NSD1: variants seen among roughly 807,000 people sequenced by gnomAD.
NSD1 encodes histone-lysine N-methyltransferase, H3 lysine-36 specific.
NSD1 carries 26 observed loss-of-function variants against 242.7 expected under a neutral mutation model. The observed-to-expected ratio is 0.11, with a 90% CI of 0.08 to 0.15. The LOEUF is 0.15. Among genes scored for constraint, NSD1 ranks in the 10% least tolerant of loss-of-function variants. The pLI is 1.00. For missense variants in NSD1, 2,495 were observed against 3,272.8 expected (o/e 0.76, Z 5.80); for synonymous variants, 1,106 against 1,178.1 (o/e 0.94, Z 1.25).
intron 2 of NSD1, among the ~76,000 whole-genome samples, chr5:177,179,458 G>A (rs1475238032): frequency 6.6e-6 from 1 of 152,088 alleles, no homozygotes; most frequent in Non-Finnish European, 1.5e-5. Context: ...CTGGTGATCC[G>A]CCCACTTCAG....
chr5:177,166,470 T>C (rs1252088336), intron 2 of NSD1, among the ~76,000 whole-genome samples: 2 of 151,848 alleles, frequency 1.3e-5, no homozygotes, highest in Admixed American at 1.3e-4. Context: ...ATCACTTGAA[T>C]TGGACTGGAG....
intron 3 of NSD1, among the ~76,000 whole-genome samples, chr5:177,196,090 G>C (rs1762084360): frequency 6.6e-6 from 1 of 152,164 alleles, no homozygotes; most frequent in South Asian, 2.1e-4. Context: ...TCTGTTACTT[G>C]AGAGGATGAG....
At chr5:177,152,455 G>A (rs1008281638) in intron 2 of NSD1, among the ~76,000 whole-genome samples, 1 of 148,050 alleles carries the variant, frequency 6.8e-6, no homozygotes. Context: ...TGCAACTTCT[G>A]CCTCCTGGGT....
At chr5:177,200,565 C>T (rs1762437004) in intron 3 of NSD1, among the ~76,000 whole-genome samples, 1 of 152,220 alleles carries the variant, frequency 6.6e-6, no homozygotes, top group Admixed American at 6.5e-5. Flanking sequence ...CATTTACCAA[C>T]ATCACCATAG....
chr5:177,248,946 T>G (rs1018438568), intron 11 of NSD1, among the ~76,000 whole-genome samples: 18 of 152,188 alleles, frequency 1.2e-4, no homozygotes, highest in Non-Finnish European at 2.4e-4. Context: ...GATTTAAACT[T>G]CGGCAGTCTG....
intron 11 of NSD1, among the ~76,000 whole-genome samples, chr5:177,249,450 T>G (rs1295311627): frequency 6.6e-6 from 1 of 150,488 alleles, no homozygotes; most frequent in Non-Finnish European, 1.5e-5. Flanking sequence ...TCTTTTTTAT[T>G]AATTAATTAT....
Position 177,211,043 on chromosome 5 carries a change from T to C in NSD1, c.2644T>C (p.Ser882Pro). The part of the protein sequence containing the change: ...LGEDVSDSGT[S>P]KPSKPLLFSS... ...TGAGGATGTCAGTGACTCTGGAACATCAAAGCCATCAAAACCATTACTTTT... is the reference window on the plus strand; with the variant it reads ...TGAGGATGTCAGTGACTCTGGAACACCAAAGCCATCAAAACCATTACTTTT... The change falls in exon 5 of 23, where the codon TCA becomes CCA. Residue 882 changes from serine to proline, a missense_variant. Physicochemically the swap from Ser to Pro is moderately conservative, Grantham distance 74 (BLOSUM62 -1). Transcript: ENST00000439151. 6.2e-7 allele frequency: 1 copy of C among 1,614,190 alleles called. No individual in the cohort carries two copies. The highest frequency in any genetic ancestry group is 8.5e-7 in the Non-Finnish European group (1 of 1,180,036).
At chr5:177,252,982 G>C (rs1756129286) in intron 12 of NSD1, among the ~76,000 whole-genome samples, 2 of 152,070 alleles carry the variant, frequency 1.3e-5, no homozygotes, top group South Asian at 4.1e-4. Flanking sequence ...GGGCGTATAT[G>C]CTCTTATAAC....
At chr5:177,146,966 C>T (rs1404058948) in intron 2 of NSD1, among the ~76,000 whole-genome samples, 10 of 151,448 alleles carry the variant, frequency 6.6e-5, no homozygotes, top group East Asian at 3.9e-4. Flanking sequence ...GAGATCGCGC[C>T]GCTGCACTCT....
At chr5:177,241,248 G>A (rs973087255) in intron 8 of NSD1, among the ~76,000 whole-genome samples, 1 of 151,928 alleles carries the variant, frequency 6.6e-6, no homozygotes, top group East Asian at 1.9e-4. Context: ...TGTAATCCCA[G>A]CACTTTGGGA....
rs116268029 is a variant in NSD1 at position 177,278,873 on chromosome 5, A to G, written c.5623-1692A>G. Reference sequence around the variant, plus strand: ...TTCTCATGCACAAATCCATTATTGTACTGGAACATCTATTGTCTTTCCTTA... The same window carrying G: ...TTCTCATGCACAAATCCATTATTGTGCTGGAACATCTATTGTCTTTCCTTA... On this transcript the variant is annotated intron_variant, in intron 17 of 22. Coordinates refer to ENST00000439151, the MANE Select transcript of NSD1 (RefSeq NM_022455.5). Among the ~76,000 whole-genome samples the G allele has an allele frequency of 1.9e-3, 296 of 152,348 alleles. 1 individual carries two copies. Among genetic ancestry groups the G allele is most frequent in the African/African-American group, 6.9e-3 (285 of 41,588 alleles).
chr5:177,206,520 C>A (rs1762878849), intron 4 of NSD1, among the ~76,000 whole-genome samples: 1 of 152,170 alleles, frequency 6.6e-6, no homozygotes, highest in Non-Finnish European at 1.5e-5. Flanking sequence ...CACTTGAGTT[C>A]TCAAAGACTT....
intron 2 of NSD1, among the ~76,000 whole-genome samples, chr5:177,159,009 T>TATATATATATGAATG: frequency 2.0e-5 from 2 of 97,798 alleles, no homozygotes; most frequent in African/African-American, 8.4e-5. Context: ...TATATATATA[T>TATATATATATGAATG]ATATATATAT....
chr5:177,187,925 C>T (rs1761363708), intron 2 of NSD1, among the ~76,000 whole-genome samples: 1 of 152,006 alleles, frequency 6.6e-6, no homozygotes, highest in South Asian at 2.1e-4. Context: ...CAGAATTCGG[C>T]CCAATACCAT....
Position 177,134,321 on chromosome 5 carries a change from G to T in NSD1, c.-18+369G>T. 2 of 152,444 alleles carry T rather than the reference G, an allele frequency of 1.3e-5. No individual in the cohort carries two copies. Among genetic ancestry groups the T allele is most frequent in the South Asian group, 3.9e-4 (2 of 5,146 alleles). The allele number at this position is 152,444 out of a possible 1,614,324, so 9.4% of individuals were successfully genotyped here. The stretch of plus-strand genomic sequence containing the variant: ...CTTGCTGCTGAATATTGATGAGAGC[G>T]ATCGGCTCGGCTGGGAGGTGCTGCC... On this transcript the variant is annotated intron_variant, in intron 1 of 22. Coordinates refer to ENST00000439151, the MANE Select transcript of NSD1 (RefSeq NM_022455.5). The surrounding 1 kb of genome is among the most constrained non-coding windows in gnomAD (Gnocchi z 4.2).
At chr5:177,136,935 G>A (rs1252233280) in intron 2 of NSD1, 3 of 700,642 alleles carry the variant, frequency 4.3e-6, no homozygotes, top group Non-Finnish European at 7.8e-6. Context: ...CGATCCTCCT[G>A]CATCAGCTAG....
chr5:177,235,699 T>C, intron 5 of NSD1, 122 bp from the exon 6 acceptor site: 2 of 1,282,110 alleles, frequency 1.6e-6, no homozygotes, highest in Non-Finnish European at 1.1e-6. Context: ...TCTTAAGCCA[T>C]AGTCTATTTT....
chr5:177,288,690 A>G (rs1478463231), intron 20 of NSD1, 129 bp from the exon 21 acceptor site: 5 of 706,452 alleles, frequency 7.1e-6, no homozygotes, highest in Non-Finnish European at 1.2e-5. Flanking sequence ...ATTAATTAAA[A>G]TATAGGATTA....
At chr5:177,236,941 A>G (rs1271338074) in intron 6 of NSD1, among the ~76,000 whole-genome samples, 1 of 152,164 alleles carries the variant, frequency 6.6e-6, no homozygotes, top group Non-Finnish European at 1.5e-5. Flanking sequence ...GGTTTAAGCA[A>G]TGTTTCCGTC....
Sources: allele counts gnomAD v4.1 joint callset (sites outside exome capture counted in the v4.1 genomes callset), GRCh38; gene constraint gnomAD v4.1.1; non-coding constraint Gnocchi (gnomAD v3.1); transcripts MANE v1.5; gene names NCBI Gene and HGNC (gene_info 2026-07-23, HGNC 2026-07-21).